ELAC2: variants seen among roughly 807,000 people sequenced by gnomAD.
The protein encoded by ELAC2 is zinc phosphodiesterase ELAC protein 2.
A neutral mutation model predicts 105.2 loss-of-function variants in ELAC2; 92 were observed. That is an observed-to-expected ratio of 0.87 (90% CI 0.74 to 1.04). The LOEUF is 1.04. Ranked by LOEUF, ELAC2 falls within the 50% of genes least tolerant of loss-of-function variation. The probability of loss-of-function intolerance (pLI) is 0.00; values close to 1 mark genes in which losing one functional copy is unlikely to be tolerated. For synonymous variants in ELAC2, 468 were observed against 409.1 expected (o/e 1.14, Z -1.74); for missense variants, 1,099 against 1,071.7 (o/e 1.03, Z -0.36).
At position 12,993,758 on chromosome 17, in the gene ELAC2, G is replaced by A. The variant is rs2143547763; in HGVS notation, c.2182C>T (p.Arg728Cys). 2 of 1,614,156 alleles carry A rather than the reference G, an allele frequency of 1.2e-6. No homozygotes were observed. The highest frequency in any genetic ancestry group is 1.1e-5 in the South Asian group (1 of 91,086). ...EFIMLNHFSQ[R>C]YAKVPLFSPN... The stretch of plus-strand genomic sequence containing the variant: ...CTGAAGAGGGGGACCTTGGCATAGC[G>A]CTGGCTGAAGTGGTTCAGCATAATG... Residue 728 changes from arginine to cysteine, a missense_variant, in exon 23 of 24, where the codon CGC becomes TGC. Physicochemically the swap from Arg to Cys is radical, Grantham distance 180. Coordinates refer to ENST00000338034, the MANE Select transcript of ELAC2 (RefSeq NM_018127.7).
Position 13,015,750 on chromosome 17 carries a change from G to T in ELAC2, c.432+18C>A. 1 of 1,606,092 alleles carries T rather than the reference G, an allele frequency of 6.2e-7. No homozygotes were observed. Among genetic ancestry groups the T allele is most frequent in the Non-Finnish European group, 8.5e-7 (1 of 1,172,654 alleles). ...AAAGGAAAGATTGCTTTTGAAAGAT[G>T]TGTCAGGAAAGACTCACCAGTTGTG... is the stretch of plus-strand genomic sequence containing the variant. On this transcript the variant is annotated intron_variant, in intron 4 of 23. Transcript: ENST00000338034.
chr17:12,992,694 A>T lies in ELAC2; in HGVS notation c.*124T>A. Reference sequence around the variant, plus strand: ...CCAAGCCTCGGCACAGCTCCATACCACCTATCCTGAGCTGCCTCCTGGGGG... The same window carrying T: ...CCAAGCCTCGGCACAGCTCCATACCTCCTATCCTGAGCTGCCTCCTGGGGG... On this transcript the variant is annotated 3_prime_UTR_variant, in exon 24 of 24. Transcript: ENST00000338034. The T allele has an allele frequency of 8.6e-7, 1 of 1,164,116 alleles. No homozygotes were observed. The highest frequency in any genetic ancestry group is 1.2e-6 in the Non-Finnish European group (1 of 803,540). 72.1% of individuals were successfully genotyped at this position (1,164,116 alleles called of 1,614,324 possible).
At chr17:13,002,904 C>T (rs1598227340) in intron 12 of ELAC2, among the ~76,000 whole-genome samples, 2 of 152,134 alleles carry the variant, frequency 1.3e-5, no homozygotes, top group East Asian at 1.9e-4. Context: ...GAGTGAGGGG[C>T]AGGTAAACGG....
chr17:12,999,847 C>CG (rs1301530635), intron 15 of ELAC2, among the ~76,000 whole-genome samples: 1 of 152,100 alleles, frequency 6.6e-6, no homozygotes, highest in Admixed American at 6.6e-5. Flanking sequence ...TTAGTAGAGA[C>CG]GGGGTTTCAT....
rs901719778 is a variant in ELAC2 at position 13,013,149 on chromosome 17, T to C, written c.559+58A>G. On this transcript the variant is annotated intron_variant, in intron 6 of 23. Coordinates refer to ENST00000338034, the MANE Select transcript of ELAC2 (RefSeq NM_018127.7). The stretch of plus-strand genomic sequence containing the variant: ...AGTGTTCAGTTTCTATTTTCATCCA[T>C]GTTTTCTTTACTCAGGACGTACACC... The C allele has an allele frequency of 1.6e-5, 25 of 1,586,478 alleles. No individual in the cohort carries two copies. In the Middle Eastern group the frequency reaches 8.3e-4, roughly 53 times the overall value.
chr17:12,992,723 G>A lies in ELAC2; in HGVS notation c.*95C>T, dbSNP rs991895115. On this transcript the variant is annotated 3_prime_UTR_variant, in exon 24 of 24. Transcript: ENST00000338034. ...ATCCTGAGCTGCCTCCTGGGGGACC[G>A]TGCTCTTCAGCTTCTACCAGCAAGG... 1.1e-5 allele frequency: 16 copies of A among 1,465,608 alleles called. No homozygotes were observed. In the Admixed American group the frequency reaches 1.2e-4, roughly 11 times the overall value. The allele number at this position is 1,465,608 out of a possible 1,614,324, so 90.8% of individuals were successfully genotyped here.
chr17:13,017,831 G>C lies in ELAC2; in HGVS notation c.117C>G (p.His39Gln), dbSNP rs748570371. Residue 39 changes from histidine (H) to glutamine (Q), a missense_variant, in exon 1 of 24, where the codon CAC becomes CAG. Transcript: ENST00000338034. ...RERPRKDPLR[H>Q]LRTREKRGPS... ...GTCCGCGCTTCTCTCGCGTGCGCAG[G>C]TGCCGCAGCGGGTCCTTGCGCGGCC... 1.3e-6 allele frequency: 2 copies of C among 1,588,172 alleles called. No homozygotes were observed. Among genetic ancestry groups the C allele is most frequent in the Non-Finnish European group, 1.7e-6 (2 of 1,168,670 alleles).
chr17:12,996,381 C>A, intron 17 of ELAC2, 166 bp downstream of exon 17: 2 of 947,542 alleles, frequency 2.1e-6, no homozygotes. Context: ...TCTTGTGGCG[C>A]AGAAGGACTA....
Position 13,015,680 on chromosome 17 carries a change from G to A in ELAC2, c.432+88C>T, listed in dbSNP as rs927248022. 5.3e-6 allele frequency: 6 copies of A among 1,131,854 alleles called. No homozygotes were observed. In the African/African-American group the frequency reaches 9.2e-5, roughly 17 times the overall value. 70.1% of individuals were successfully genotyped at this position (1,131,854 alleles called of 1,614,324 possible). ...AACGACCAGGTATCTCTGGAGGGCA[G>A]AAGACTGATTTGCAAAAAGGAAAAT... On this transcript the variant is annotated intron_variant, in intron 4 of 23. Transcript: ENST00000338034.
chr17:13,013,177 C>T (rs754218461), intron 6 of ELAC2, 30 bp downstream of exon 6: 6 of 1,613,298 alleles, frequency 3.7e-6, no homozygotes, highest in Middle Eastern at 3.3e-4. Flanking sequence ...CGTACACCCT[C>T]CTCCTGGGAA....
chr17:13,014,624 A>T (rs1008169995), intron 4 of ELAC2, 128 bp from the exon 5 acceptor site: 1 of 755,328 alleles, frequency 1.3e-6, no homozygotes, highest in African/African-American at 1.7e-5. Flanking sequence ...TTTGAACATC[A>T]TTTATTACAA....
chr17:13,003,377 G>T, intron 12 of ELAC2, 102 bp downstream of exon 12: 1 of 1,074,126 alleles, frequency 9.3e-7, no homozygotes, highest in Non-Finnish European at 1.4e-6. Flanking sequence ...TTAGGCAGGT[G>T]CAGAAGGGTA....
Position 12,996,648 on chromosome 17 carries a change from T to A in ELAC2, c.1558A>T (p.Thr520Ser). The change falls in exon 17 of 24, where the codon ACA (threonine) becomes TCA (serine). Residue 520 changes from threonine (T) to serine (S), a missense_variant. Coordinates refer to ENST00000338034, the MANE Select transcript of ELAC2 (RefSeq NM_018127.7). ...TSLLLDCGEG[T>S]FGQLCRHYGD... ...TAATGACGGCACAGCTGCCCAAATG[T>A]GCCCTCACCACAGTCCAGTAGCAGA... 6.2e-7 allele frequency: 1 copy of A among 1,613,922 alleles called. No homozygotes were observed. Among genetic ancestry groups the A allele is most frequent in the Non-Finnish European group, 8.5e-7 (1 of 1,179,998 alleles).
At chr17:13,016,060 C>T (rs1237961651) in intron 3 of ELAC2, among the ~76,000 whole-genome samples, 2 of 152,226 alleles carry the variant, frequency 1.3e-5, no homozygotes. Flanking sequence ...TAGGGTGAAG[C>T]AGCAAGGCAC....
chr17:12,992,144 TTG>T lies in ELAC2; in HGVS notation c.*672_*673del, dbSNP rs2040210907. Among the ~76,000 whole-genome samples, 3 of 150,124 alleles carry T rather than the reference TTG, an allele frequency of 2.0e-5. No homozygotes were observed. Among genetic ancestry groups the T allele is most frequent in the Admixed American group, 6.6e-5 (1 of 15,164 alleles). On this transcript the variant is annotated 3_prime_UTR_variant, in exon 24 of 24. Transcript: ENST00000338034. ...CTGATTGATTTGATTGATTGATTGA[TTG>T]ATTGATAGAGAAAGCACGCCCTGCT...
In ELAC2 at chr17:13,015,632, T is replaced by A; in HGVS notation, c.432+136A>T. ...TAGTTAATCAGAACTCAAGTCTTTT[T>A]AACTTGAAAGGGGAAGCGTTTCAAC... On this transcript the variant is annotated intron_variant, in intron 4 of 23. Coordinates refer to ENST00000338034, the MANE Select transcript of ELAC2 (RefSeq NM_018127.7). 4 of 741,782 alleles carry A rather than the reference T, an allele frequency of 5.4e-6. No homozygotes were observed. In the South Asian group the frequency reaches 6.4e-5, roughly 12 times the overall value. 46.0% of individuals were successfully genotyped at this position (741,782 alleles called of 1,614,324 possible).
At position 13,003,500 on chromosome 17, in the gene ELAC2, C is replaced by T. The variant is rs2040937473; in HGVS notation, c.1058G>A (p.Arg353Lys). The stretch of plus-strand genomic sequence containing the variant: ...ATACCTCTCCATCCACTGCTGGTAC[C>T]TGCTGTCCACAAGCACAGATGCTGG... The part of the protein sequence containing the change: ...MAPASVLVDS[R>K]YQQWMERFGP... The change falls in exon 12 of 24, where the codon AGG (arginine) becomes AAG (lysine). Residue 353 changes from arginine to lysine, a missense_variant. Arg to Lys is a conservative substitution (Grantham distance 26). Coordinates refer to ENST00000338034, the MANE Select transcript of ELAC2 (RefSeq NM_018127.7). The T allele has an allele frequency of 6.2e-7, 1 of 1,614,086 alleles. No homozygotes were observed. Among genetic ancestry groups the T allele is most frequent in the Admixed American group, 1.7e-5 (1 of 60,002 alleles).
chr17:12,998,525 G>T lies in ELAC2; in HGVS notation c.1424-17C>A. ...TTCTTTTCTCTGTGAAAAAATCCATGTGAAACAATCCATTCCTTTGGGTCA... is the reference window on the plus strand; with the variant it reads ...TTCTTTTCTCTGTGAAAAAATCCATTTGAAACAATCCATTCCTTTGGGTCA... On this transcript the variant is annotated splice_polypyrimidine_tract_variant and intron_variant, in intron 15 of 23. Coordinates refer to ENST00000338034, the MANE Select transcript of ELAC2 (RefSeq NM_018127.7). The T allele has an allele frequency of 6.2e-7, 1 of 1,608,394 alleles. No individual in the cohort carries two copies. The highest frequency in any genetic ancestry group is 8.5e-7 in the Non-Finnish European group (1 of 1,174,778).
chr17:12,997,642 T>C (rs996300624), intron 16 of ELAC2, among the ~76,000 whole-genome samples: 10 of 152,116 alleles, frequency 6.6e-5, no homozygotes, highest in African/African-American at 1.4e-4. Context: ...ACACCCCAGA[T>C]TGTATATTTC....
Sources: allele counts gnomAD v4.1 joint callset (sites outside exome capture counted in the v4.1 genomes callset), GRCh38; gene constraint gnomAD v4.1.1; transcripts MANE v1.5; gene names NCBI Gene and HGNC (gene_info 2026-07-23, HGNC 2026-07-21).